NR2F1-AS1: variants seen among roughly 807,000 people sequenced by gnomAD.
NR2F1-AS1 encodes NR2F1 regulatory antisense RNA 1, also known as NR2F1 antisense RNA 1.
intron 4 of NR2F1-AS1, chr5:93,543,221 T>A (rs76044139): frequency 6.6e-6 from 1 of 152,128 alleles, no homozygotes; most frequent in African/African-American, 2.4e-5. Context: ...TAACCAAGCA[T>A]ACAAGGAAAC....
At chr5:93,417,426 A>G (rs926261312) in intron 4 of NR2F1-AS1, among the ~76,000 whole-genome samples, 1 of 152,260 alleles carries the variant, frequency 6.6e-6, no homozygotes, top group Non-Finnish European at 1.5e-5. Context: ...AAGAGTGCCT[A>G]TAATTTGTAC....
intron 4 of NR2F1-AS1, among the ~76,000 whole-genome samples, chr5:93,506,457 T>C (rs571082315): frequency 6.6e-5 from 10 of 152,290 alleles, no homozygotes; most frequent in South Asian, 6.2e-4. Context: ...TTGACTGTAT[T>C]AGTCTATTTT....
chr5:93,547,959 C>T (rs17083212), intron 4 of NR2F1-AS1, among the ~76,000 whole-genome samples: 3,372 of 151,980 alleles, frequency 0.022, 116 homozygotes, highest in African/African-American at 0.077. Flanking sequence ...ACATGTCAAT[C>T]GGAAAAAGGG....
rs544345437 is a variant in NR2F1-AS1 at position 93,462,161 on chromosome 5, C to T, written n.639-66619G>A. On this transcript the variant is annotated intron_variant and non_coding_transcript_variant, in intron 4 of 5. Transcript: ENST00000660523. ...GGTTTGGCTGTGTCCCCACCCAAAT[C>T]TCATCTTGAATTGTAACCCCCACAA... Among the ~76,000 whole-genome samples, 68 of 152,182 alleles carry T rather than the reference C, an allele frequency of 4.5e-4. 1 individual carries two copies. The highest frequency in any genetic ancestry group is 8.1e-4 in the Non-Finnish European group (55 of 68,042).
intron 1 of NR2F1-AS1, among the ~76,000 whole-genome samples, chr5:93,568,491 T>C (rs1241643607): frequency 6.6e-6 from 1 of 152,226 alleles, no homozygotes; most frequent in Non-Finnish European, 1.5e-5. Context: ...TCTAAATGCA[T>C]GCATCATATT....
chr5:93,477,195 C>A (rs902125159), intron 4 of NR2F1-AS1, among the ~76,000 whole-genome samples: 3 of 152,074 alleles, frequency 2.0e-5, no homozygotes, highest in Non-Finnish European at 4.4e-5. Context: ...CTGTTTATAG[C>A]AACATAATTA....
intron 4 of NR2F1-AS1, among the ~76,000 whole-genome samples, chr5:93,505,042 A>G (rs983880856): frequency 6.6e-6 from 1 of 152,198 alleles, no homozygotes. Context: ...TAAAATCAAG[A>G]GCAATCTAGT....
intron 4 of NR2F1-AS1, among the ~76,000 whole-genome samples, chr5:93,500,815 A>G (rs1252232049): frequency 6.6e-6 from 1 of 151,886 alleles, no homozygotes; most frequent in Non-Finnish European, 1.5e-5. Context: ...AATTTTTTGT[A>G]TTTTTTGTAC....
intron 4 of NR2F1-AS1, among the ~76,000 whole-genome samples, chr5:93,524,430 G>A (rs1191170219): frequency 6.6e-6 from 1 of 152,124 alleles, no homozygotes; most frequent in African/African-American, 2.4e-5. Context: ...TAGAAAACAC[G>A]TTTCAGGATA....
chr5:93,516,061 C>CA (rs1486905558), intron 4 of NR2F1-AS1, among the ~76,000 whole-genome samples: 2 of 151,794 alleles, frequency 1.3e-5, no homozygotes, highest in African/African-American at 2.4e-5. Context: ...AATAACTGCG[C>CA]AAAAAATGAA....
At chr5:93,461,856 AAC>A (rs1219100060) in intron 4 of NR2F1-AS1, among the ~76,000 whole-genome samples, 3 of 152,166 alleles carry the variant, frequency 2.0e-5, no homozygotes, top group South Asian at 2.1e-4. Context: ...TGAGTTACTA[AAC>A]ACAGTTTTTC....
chr5:93,563,475 C>T (rs1046619942), intron 1 of NR2F1-AS1: 1 of 152,146 alleles, frequency 6.6e-6, no homozygotes, highest in African/African-American at 2.4e-5. Flanking sequence ...TGGAGAAACA[C>T]AGGGAAATTT....
intron 4 of NR2F1-AS1, among the ~76,000 whole-genome samples, chr5:93,488,121 C>T (rs1750765091): frequency 1.3e-5 from 2 of 152,096 alleles, no homozygotes; most frequent in African/African-American, 4.8e-5. Flanking sequence ...AAATGTAAGA[C>T]CTAAAACCAT....
chr5:93,474,533 G>A (rs1750439323), intron 4 of NR2F1-AS1, among the ~76,000 whole-genome samples: 1 of 152,188 alleles, frequency 6.6e-6, no homozygotes, highest in South Asian at 2.1e-4. Flanking sequence ...CTGGAGGCTG[G>A]GAAGTCTAAG....
intron 4 of NR2F1-AS1, among the ~76,000 whole-genome samples, chr5:93,500,088 C>T (rs1751046379): frequency 6.6e-6 from 1 of 152,186 alleles, no homozygotes; most frequent in South Asian, 2.1e-4. Flanking sequence ...GTAGAAGCTG[C>T]AGCAAGTTAT....
chr5:93,508,188 C>T (rs188779465), intron 4 of NR2F1-AS1, among the ~76,000 whole-genome samples: 40 of 152,172 alleles, frequency 2.6e-4, no homozygotes, highest in Admixed American at 1.6e-3. Flanking sequence ...CAAGGTGGAA[C>T]GATTTATCCT....
intron 4 of NR2F1-AS1, among the ~76,000 whole-genome samples, chr5:93,507,095 A>T (rs1751200251): frequency 6.6e-6 from 1 of 152,170 alleles, no homozygotes; most frequent in African/African-American, 2.4e-5. Flanking sequence ...GATTTAGGAG[A>T]AAAACCATAA....
At chr5:93,459,664 T>C (rs995247267) in intron 4 of NR2F1-AS1, among the ~76,000 whole-genome samples, 4 of 152,194 alleles carry the variant, frequency 2.6e-5, no homozygotes, top group African/African-American at 9.7e-5. Context: ...TACTAGCCAA[T>C]CTTTTCCCCT....
chr5:93,513,119 T>G (rs1434216108), intron 4 of NR2F1-AS1, among the ~76,000 whole-genome samples: 1 of 152,096 alleles, frequency 6.6e-6, no homozygotes, highest in Non-Finnish European at 1.5e-5. Context: ...TGAGATGCCA[T>G]CTCATACAAG....
Sources: gnomAD v4.1 joint callset for allele counts (sites outside exome capture counted in the v4.1 genomes callset) on GRCh38, gnomAD v4.1.1 for gene constraint, MANE v1.5 for transcripts, NCBI Gene and HGNC (gene_info 2026-07-23, HGNC 2026-07-21) for gene names.